ABCG2: variants seen among roughly 807,000 people sequenced by gnomAD.
ABCG2 encodes broad substrate specificity ATP-binding cassette transporter ABCG2.
Under a neutral mutation model 73.5 loss-of-function variants are expected in ABCG2, and 80 were observed. The ratio of observed to expected loss-of-function variants is 1.09; its 90% CI spans 0.91 to 1.31. The LOEUF (loss-of-function observed/expected upper bound fraction) is 1.31. Among genes scored for constraint, ABCG2 ranks in the 50% most tolerant of loss-of-function variants. The pLI is 0.00. For synonymous variants in ABCG2, 269 were observed against 282.4 expected (o/e 0.95, Z 0.48); for missense variants, 796 against 786.2 (o/e 1.01, Z -0.15).
intron 1 of ABCG2, among the ~76,000 whole-genome samples, chr4:88,172,480 G>A (rs1196866678): frequency 6.6e-6 from 1 of 150,812 alleles, no homozygotes; most frequent in Non-Finnish European, 1.5e-5. Flanking sequence ...TCAGGAGGCT[G>A]AAGAAGGAGA....
intron 1 of ABCG2, among the ~76,000 whole-genome samples, chr4:88,187,696 A>C (rs1728521862): frequency 6.6e-6 from 1 of 152,202 alleles, no homozygotes; most frequent in South Asian, 2.1e-4. Flanking sequence ...TTGTATGCCT[A>C]TGTCAAAATA....
At chr4:88,105,812 C>T (rs894833149) in intron 10 of ABCG2, among the ~76,000 whole-genome samples, 4 of 152,082 alleles carry the variant, frequency 2.6e-5, no homozygotes, top group Admixed American at 1.3e-4. Context: ...ATTAATATCT[C>T]CTCAAAAATA....
At chr4:88,140,204 G>T (rs1310796047) in intron 1 of ABCG2, among the ~76,000 whole-genome samples, 190 bp from the exon 2 acceptor site, 1 of 152,156 alleles carries the variant, frequency 6.6e-6, no homozygotes, top group African/African-American at 2.4e-5. Context: ...GCACAACTTG[G>T]AATGCATAAA....
At chr4:88,144,038 G>A (rs1479322534) in intron 1 of ABCG2, among the ~76,000 whole-genome samples, 3 of 152,148 alleles carry the variant, frequency 2.0e-5, no homozygotes, top group Non-Finnish European at 4.4e-5. Flanking sequence ...CATGTGTGCT[G>A]ATCTCATTGG....
intron 1 of ABCG2, among the ~76,000 whole-genome samples, chr4:88,221,353 A>C (rs981773556): frequency 1.8e-4 from 27 of 152,224 alleles, no homozygotes; most frequent in African/African-American, 6.3e-4. Context: ...AATACAGTAA[A>C]TTGGTACCGC....
chr4:88,112,011 A>C (rs754832073), intron 9 of ABCG2, among the ~76,000 whole-genome samples: 6 of 151,944 alleles, frequency 3.9e-5, no homozygotes, highest in African/African-American at 9.7e-5. Context: ...CGCTTGAGCC[A>C]AGAGTTTGGG....
rs971611919 is a variant in ABCG2 at position 88,113,417 on chromosome 4, C to A, written c.1080G>T (p.Lys360Asn). Residue 360 changes from lysine to asparagine, a missense_variant, in exon 9 of 16, where the codon AAG becomes AAT. By Grantham distance (94) the Lys-to-Asn change is moderately conservative. Transcript: ENST00000237612. ...HQLSGGEKKK[K>N]ITVFKEISYT... ...AGCTGATCTCCTTGAAGACTGTGAT[C>A]TTCTTCTTCTTCTCACCCCCGGAAA... The A allele has an allele frequency of 1.9e-6, 3 of 1,605,278 alleles. No individual in the cohort carries two copies. The Admixed American group carries it at 5.2e-5, about 28-fold the overall frequency.
intron 1 of ABCG2, among the ~76,000 whole-genome samples, chr4:88,223,087 A>G (rs866058265): frequency 7.9e-5 from 12 of 152,154 alleles, no homozygotes; most frequent in African/African-American, 2.4e-4. Flanking sequence ...GCCCAATGCC[A>G]TTACCCCCAT....
chr4:88,193,736 A>G (rs1449301459), intron 1 of ABCG2, among the ~76,000 whole-genome samples: 3 of 152,058 alleles, frequency 2.0e-5, no homozygotes, highest in Admixed American at 1.3e-4. Context: ...AAAGGTTTGA[A>G]TTTTTTATTT....
chr4:88,216,518 CTA>C (rs1475993751), intron 1 of ABCG2, among the ~76,000 whole-genome samples: 30 of 152,306 alleles, frequency 2.0e-4, no homozygotes, highest in African/African-American at 7.2e-4. Context: ...TACGTGTGAG[CTA>C]ATAACATGGT....
intron 1 of ABCG2, among the ~76,000 whole-genome samples, chr4:88,185,356 C>A (rs1341678213): frequency 3.9e-5 from 6 of 152,168 alleles, no homozygotes; most frequent in Non-Finnish European, 7.3e-5. Context: ...AAGAGTGAAA[C>A]TCTGTCAAAA....
At chr4:88,214,520 G>A (rs900179764) in intron 1 of ABCG2, among the ~76,000 whole-genome samples, 2 of 152,098 alleles carry the variant, frequency 1.3e-5, no homozygotes, top group East Asian at 1.9e-4. Context: ...CAATATGCCA[G>A]AGAGAGCAGT....
intron 1 of ABCG2, among the ~76,000 whole-genome samples, chr4:88,154,621 A>G (rs950009938): frequency 2.0e-5 from 3 of 152,140 alleles, no homozygotes; most frequent in African/African-American, 7.2e-5. Flanking sequence ...AAAGAAGGAA[A>G]TATGCGGAAA....
At chr4:88,220,873 G>A (rs1206141217) in intron 1 of ABCG2, among the ~76,000 whole-genome samples, 1 of 152,132 alleles carries the variant, frequency 6.6e-6, no homozygotes, top group East Asian at 1.9e-4. Flanking sequence ...ACCATGTGAA[G>A]AAGGACATGT....
chr4:88,177,310 C>T (rs1728038219), intron 1 of ABCG2, among the ~76,000 whole-genome samples: 1 of 151,640 alleles, frequency 6.6e-6, no homozygotes, highest in African/African-American at 2.4e-5. Flanking sequence ...GGAGGCGGAG[C>T]TTACAGTGAG....
upstream of ABCG2, among the ~76,000 whole-genome samples, chr4:88,161,906 A>C: frequency 7.2e-6 from 1 of 139,530 alleles, no homozygotes; most frequent in East Asian, 2.1e-4. Context: ...TTTGATTTGC[A>C]TTTCTCTGAT....
intron 1 of ABCG2, among the ~76,000 whole-genome samples, chr4:88,225,534 C>T (rs1310071642): frequency 1.3e-5 from 2 of 152,180 alleles, no homozygotes; most frequent in Non-Finnish European, 2.9e-5. Context: ...CATTTATTCA[C>T]CAAATAGCTA....
chr4:88,175,178 T>C (rs568525300), intron 1 of ABCG2, among the ~76,000 whole-genome samples: 1 of 152,368 alleles, frequency 6.6e-6, no homozygotes, highest in Admixed American at 6.5e-5. Context: ...TTCTACATGA[T>C]TGCGTCTTAA....
At chr4:88,210,140 A>G (rs1729533658) in intron 1 of ABCG2, among the ~76,000 whole-genome samples, 1 of 151,834 alleles carries the variant, frequency 6.6e-6, no homozygotes, top group South Asian at 2.1e-4. Context: ...TTTTGATTGA[A>G]TTAGATATAA....
Sources: allele counts gnomAD v4.1 joint callset (sites outside exome capture counted in the v4.1 genomes callset), GRCh38; gene constraint gnomAD v4.1.1; transcripts MANE v1.5; gene names NCBI Gene and HGNC (gene_info 2026-07-23, HGNC 2026-07-21).